TRIM44: variants seen among roughly 807,000 people sequenced by gnomAD.
The protein encoded by TRIM44 is tripartite motif containing 44, also known as tripartite motif-containing protein 44.
Under a neutral mutation model 37.4 loss-of-function variants are expected in TRIM44, and 13 were observed. That is an observed-to-expected ratio of 0.35 (90% CI 0.23 to 0.55). TRIM44 has a LOEUF of 0.55. Among genes scored for constraint, TRIM44 ranks in the 20% least tolerant of loss-of-function variants. The probability of loss-of-function intolerance (pLI) is 0.89; values close to 1 mark genes in which losing one functional copy is unlikely to be tolerated. For missense variants in TRIM44, 426 were observed against 437.2 expected (o/e 0.97, Z 0.23); for synonymous variants, 175 against 157.2 (o/e 1.11, Z -0.85).
chr11:35,784,379 G>A (rs1198945243), intron 4 of TRIM44, among the ~76,000 whole-genome samples: 1 of 152,204 alleles, frequency 6.6e-6, no homozygotes, highest in East Asian at 1.9e-4. Flanking sequence ...AGGGTTCTGT[G>A]TATTAAAAGA....
intron 4 of TRIM44, among the ~76,000 whole-genome samples, chr11:35,755,776 G>A (rs1277509244): frequency 2.0e-5 from 3 of 152,114 alleles, no homozygotes; most frequent in African/African-American, 7.2e-5. Context: ...TTTCCCCATT[G>A]CTTGTTTTTC....
chr11:35,729,515 C>A (rs1404652391), intron 3 of TRIM44, among the ~76,000 whole-genome samples: 1 of 152,148 alleles, frequency 6.6e-6, no homozygotes, highest in Non-Finnish European at 1.5e-5. Flanking sequence ...CTCCCTCTCA[C>A]CCCTGCATTA....
Position 35,663,633 on chromosome 11 carries a change from G to A in TRIM44, c.522G>A (p.Val174=). ...DPEIEMEAER[V]AKRKCPDHGL... is the part of the protein sequence containing the mutation. ...AAATAGAAATGGAAGCAGAGAGAGTGGCCAAGAGGAAGTGTCCGGACCATG... is the reference window on the plus strand; with the variant it reads ...AAATAGAAATGGAAGCAGAGAGAGTAGCCAAGAGGAAGTGTCCGGACCATG... Residue 174 remains valine (V), a synonymous_variant, in exon 1 of 5, where the codon GTG becomes GTA. Transcript: ENST00000299413. 6.2e-7 allele frequency: 1 copy of A among 1,614,112 alleles called. No individual in the cohort carries two copies. Among genetic ancestry groups the A allele is most frequent in the Non-Finnish European group, 8.5e-7 (1 of 1,180,018 alleles).
intron 4 of TRIM44, among the ~76,000 whole-genome samples, chr11:35,781,604 T>G (rs1412545930): frequency 6.6e-6 from 1 of 152,224 alleles, no homozygotes; most frequent in Non-Finnish European, 1.5e-5. Context: ...AGCTGCTGGA[T>G]TATGTGAACA....
At chr11:35,733,288 A>G (rs572060849) in intron 3 of TRIM44, among the ~76,000 whole-genome samples, 2 of 152,272 alleles carry the variant, frequency 1.3e-5, no homozygotes, top group East Asian at 3.9e-4. Context: ...CATTACACCA[A>G]GGTATGTGAT....
chr11:35,762,327 T>C (rs1852741443), intron 4 of TRIM44, among the ~76,000 whole-genome samples: 1 of 152,174 alleles, frequency 6.6e-6, no homozygotes, highest in Admixed American at 6.5e-5. Flanking sequence ...AGGAAGGAAA[T>C]GATCTTTTAC....
chr11:35,702,110 G>C (rs1467891333), intron 2 of TRIM44, among the ~76,000 whole-genome samples: 1 of 152,214 alleles, frequency 6.6e-6, no homozygotes, highest in East Asian at 1.9e-4. Flanking sequence ...TCTGGCCAGA[G>C]GAATATACAT....
chr11:35,792,671 T>G (rs929802063), intron 4 of TRIM44, among the ~76,000 whole-genome samples: 1 of 152,214 alleles, frequency 6.6e-6, no homozygotes, highest in Non-Finnish European at 1.5e-5. Flanking sequence ...CCAGGCATGT[T>G]GCCAAACTAG....
intron 4 of TRIM44, among the ~76,000 whole-genome samples, chr11:35,773,758 G>A (rs138514863): frequency 6.6e-6 from 1 of 152,174 alleles, no homozygotes; most frequent in Admixed American, 6.5e-5. Context: ...TGCTCAGAAT[G>A]ATGGTTTCCA....
intron 2 of TRIM44, among the ~76,000 whole-genome samples, chr11:35,704,094 C>G (rs59693919): frequency 6.6e-6 from 1 of 151,950 alleles, no homozygotes; most frequent in African/African-American, 2.4e-5. Flanking sequence ...AGCCAAGGCT[C>G]GAGAACTACG....
intron 4 of TRIM44, among the ~76,000 whole-genome samples, chr11:35,750,971 TA>T (rs139936432): frequency 0.18 from 27,334 of 152,032 alleles, 2,710 homozygotes; most frequent in East Asian, 0.3. Context: ...TAATTCCATT[TA>T]AAAAATATCA....
At position 35,692,918 on chromosome 11, in the gene TRIM44, G is replaced by A. The variant is rs544842805; in HGVS notation, c.747+7582G>A. ...AGCCTGGGCGACAGAGCAAGATTCC[G>A]TCTCAAAAAAAAAAAAAGAAAAAGA... On this transcript the variant is annotated intron_variant, in intron 2 of 4. Transcript: ENST00000299413. Among the ~76,000 whole-genome samples, 18 of 148,878 alleles carry A rather than the reference G, an allele frequency of 1.2e-4. No individual in the cohort carries two copies. The East Asian group carries it at 2.0e-3, about 16-fold the overall frequency.
intron 4 of TRIM44, among the ~76,000 whole-genome samples, chr11:35,799,853 A>G (rs589100): frequency 1.3e-5 from 2 of 152,250 alleles, no homozygotes; most frequent in South Asian, 4.1e-4. Flanking sequence ...AAATAGAACC[A>G]GAACTAGAGA....
In TRIM44 at chr11:35,809,249, T is replaced by A. The variant is rs955302138; in HGVS notation, c.*2864T>A. On this transcript the variant is annotated 3_prime_UTR_variant, in exon 5 of 5. Coordinates refer to ENST00000299413, the MANE Select transcript of TRIM44 (RefSeq NM_017583.6). ...ACAGATGGGGAGTGGAAGAGTCATT[T>A]GCTTCAAGTTATACAGCTAGGAAAT... The A allele has an allele frequency of 6.6e-6, 1 of 152,216 alleles. No individual in the cohort carries two copies. The highest frequency in any genetic ancestry group is 2.4e-5 in the African/African-American group (1 of 41,454). 9.4% of individuals were successfully genotyped at this position (152,216 alleles called of 1,614,324 possible).
At chr11:35,699,450 T>C (rs969425679) in intron 2 of TRIM44, among the ~76,000 whole-genome samples, 2 of 152,068 alleles carry the variant, frequency 1.3e-5, no homozygotes, top group African/African-American at 4.8e-5. Flanking sequence ...ATGGGACGTA[T>C]CTCAAAATAA....
intron 2 of TRIM44, among the ~76,000 whole-genome samples, chr11:35,703,161 C>G (rs1851818987): frequency 6.6e-6 from 1 of 152,214 alleles, no homozygotes; most frequent in African/African-American, 2.4e-5. Context: ...ATTGCTAGCA[C>G]AGCAGACTGA....
chr11:35,769,697 A>T (rs1436905550), intron 4 of TRIM44, among the ~76,000 whole-genome samples: 6 of 152,210 alleles, frequency 3.9e-5, no homozygotes, highest in African/African-American at 1.4e-4. Flanking sequence ...GTTCCAATCC[A>T]TAACATTTAA....
In TRIM44 at chr11:35,711,192, A is replaced by G. The variant is rs138535735; in HGVS notation, c.748-14732A>G. Among the ~76,000 whole-genome samples the G allele has an allele frequency of 9.7e-3, 1,475 of 152,344 alleles. 16 individuals carry two copies. The highest frequency in any genetic ancestry group is 0.013 in the South Asian group (65 of 4,830). On this transcript the variant is annotated intron_variant, in intron 2 of 4. Transcript: ENST00000299413. ...ACTTTAAATGGGTAAATTGTAAAAT[A>G]TGTGAATTATATCTCAATAAAACTG...
At chr11:35,691,947 A>G (rs1471692852) in intron 2 of TRIM44, among the ~76,000 whole-genome samples, 1 of 151,860 alleles carries the variant, frequency 6.6e-6, no homozygotes, top group Non-Finnish European at 1.5e-5. Context: ...GCCTGGCTGA[A>G]TAGGCTTACT....
Sources: allele counts gnomAD v4.1 joint callset (sites outside exome capture counted in the v4.1 genomes callset), GRCh38; gene constraint gnomAD v4.1.1; transcripts MANE v1.5; gene names NCBI Gene and HGNC (gene_info 2026-07-23, HGNC 2026-07-21).